The following PALD1 variants were observed in gnomAD, a reference collection of about 807,000 sequenced individuals.
PALD1 encodes the protein paladin.
Under a neutral mutation model 96.0 loss-of-function variants are expected in PALD1, and 57 were observed. That is an observed-to-expected ratio of 0.59 (90% CI 0.48 to 0.74). The LOEUF is 0.74. Ranked by LOEUF, PALD1 falls within the 30% of genes least tolerant of loss-of-function variation. The pLI, the probability that PALD1 is intolerant of heterozygous loss-of-function variation, is 0.00. For missense variants in PALD1, 1,063 were observed against 1,143.7 expected, an observed-to-expected ratio of 0.93 and a Z score of 1.02; for synonymous variants, 464 against 473.6, an observed-to-expected ratio of 0.98 and a Z score of 0.26.
At chr10:70,544,046 C>T (rs543923934) in intron 17 of PALD1, among the ~76,000 whole-genome samples, 1 of 152,174 alleles carries the variant, frequency 6.6e-6, no homozygotes, top group Non-Finnish European at 1.5e-5. Flanking sequence ...AGACCAGCTT[C>T]CTTTGCAATT....
In PALD1 at chr10:70,486,971, A is replaced by G. The variant is rs187005758; in HGVS notation, c.-30+7912A>G. The stretch of plus-strand genomic sequence containing the variant: ...TGGGAATCTGATTTCTGAATGCCCA[A>G]AGAGAAGGGCCCTCCCTAGAGACGA... On this transcript the variant is annotated intron_variant, in intron 1 of 19. Transcript: ENST00000263563. Among the ~76,000 whole-genome samples, 304 of 152,040 alleles carry G rather than the reference A, an allele frequency of 2.0e-3. 2 individuals are homozygous for G. Among genetic ancestry groups the G allele is most frequent in the African/African-American group, 7.1e-3 (293 of 41,486 alleles).
At chr10:70,524,654 A>C (rs1167712498) in intron 1 of PALD1, among the ~76,000 whole-genome samples, 1 of 152,198 alleles carries the variant, frequency 6.6e-6, no homozygotes, top group East Asian at 1.9e-4. Context: ...TCGTGAGTTA[A>C]GGTGGGGCTG....
At chr10:70,557,353 G>T (rs1366990765) in intron 18 of PALD1, among the ~76,000 whole-genome samples, 1 of 152,130 alleles carries the variant, frequency 6.6e-6, no homozygotes, top group Non-Finnish European at 1.5e-5. Context: ...TGCGGACACA[G>T]TGGGCCTCTT....
At chr10:70,518,114 G>T (rs542089002) in intron 1 of PALD1, among the ~76,000 whole-genome samples, 2 of 152,146 alleles carry the variant, frequency 1.3e-5, no homozygotes, top group East Asian at 1.9e-4. Flanking sequence ...TGTTGGTCAG[G>T]CTGGTCTCGA....
At chr10:70,505,417 C>T (rs1389814776) in intron 1 of PALD1, among the ~76,000 whole-genome samples, 1 of 152,018 alleles carries the variant, frequency 6.6e-6, no homozygotes, top group Non-Finnish European at 1.5e-5. Context: ...TCGAGACCAA[C>T]ATGGAGAAAC....
In PALD1 at chr10:70,548,487, C is replaced by G. The variant is rs140498920; in HGVS notation, c.2262+1041C>G. Among the ~76,000 whole-genome samples the G allele has an allele frequency of 7.8e-3, 1,192 of 152,290 alleles. 18 individuals are homozygous for G. Among genetic ancestry groups the G allele is most frequent in the African/African-American group, 0.027 (1,139 of 41,556 alleles). ...GCTCTGGAGTTTTTGGCCTGGGTCT[C>G]TGTGTGGAGTATTCACTTCTGTTCC... On this transcript the variant is annotated intron_variant, in intron 18 of 19. Coordinates refer to ENST00000263563, the MANE Select transcript of PALD1 (RefSeq NM_014431.3).
chr10:70,486,326 C>A, intron 1 of PALD1: 1 of 156,258 alleles, frequency 6.4e-6, no homozygotes, highest in South Asian at 1.8e-4. Flanking sequence ...CATCACCACC[C>A]ACCACATTTC....
At chr10:70,471,002 TA>T in the PALD1 span, among the ~76,000 whole-genome samples, 1 of 151,810 alleles carries the variant, frequency 6.6e-6, no homozygotes. Flanking sequence ...GTACTTTTAG[TA>T]GAGACGGGGT....
In PALD1 at chr10:70,530,016, G is replaced by A. The variant is rs775627617; in HGVS notation, c.416G>A (p.Ser139Asn). Residue 139 changes from serine (S) to asparagine (N), a missense_variant, in exon 4 of 20, where the codon AGC becomes AAC. Physicochemically the swap from Ser to Asn is conservative, Grantham distance 46. Coordinates refer to ENST00000263563, the MANE Select transcript of PALD1 (RefSeq NM_014431.3). Reference sequence around the variant, plus strand: ...ACTGTGTTCGGCATGGGACAGCCCAGCCTCTCAGGGTTCAGGCGGGTCCTC... The same window carrying A: ...ACTGTGTTCGGCATGGGACAGCCCAACCTCTCAGGGTTCAGGCGGGTCCTC... ...GLTVFGMGQP[S>N]LSGFRRVLQK... 1.8e-5 allele frequency: 28 copies of A among 1,587,474 alleles called. No homozygotes were observed. The highest frequency in any genetic ancestry group is 2.2e-5 in the Non-Finnish European group (26 of 1,167,946).
intron 1 of PALD1, among the ~76,000 whole-genome samples, chr10:70,513,886 TGGCTGGC>T (rs1846568772): frequency 6.6e-6 from 1 of 152,182 alleles, no homozygotes; most frequent in Non-Finnish European, 1.5e-5. Context: ...AGGCCCGTGA[TGGCTGGC>T]CCACACCCGG....
Position 70,566,777 on chromosome 10 carries a change from G to C in PALD1, c.*44G>C, listed in dbSNP as rs748782135. The C allele has an allele frequency of 7.1e-7, 1 of 1,408,104 alleles. No homozygotes were observed. Among genetic ancestry groups the C allele is most frequent in the Non-Finnish European group, 9.7e-7 (1 of 1,035,454 alleles). 87.2% of individuals were successfully genotyped at this position (1,408,104 alleles called of 1,614,324 possible). ...CCCCCACCCACAGGGCCCCACGCAG[G>C]CCTGGGGTGTCTGAGGTGCTCTTGG... On this transcript the variant is annotated 3_prime_UTR_variant, in exon 20 of 20. Transcript: ENST00000263563.
chr10:70,500,760 G>A (rs1428962976), intron 1 of PALD1, among the ~76,000 whole-genome samples: 1 of 152,206 alleles, frequency 6.6e-6, no homozygotes, highest in Non-Finnish European at 1.5e-5. Flanking sequence ...GGGGGAAGGA[G>A]AAAGCTTGGA....
chr10:70,509,979 A>G (rs1324236690), intron 1 of PALD1, among the ~76,000 whole-genome samples: 2 of 152,216 alleles, frequency 1.3e-5, no homozygotes, highest in Non-Finnish European at 2.9e-5. Context: ...GGCTGTGCCG[A>G]ACTCTTGGAA....
chr10:70,564,618 C>T (rs983627277), intron 19 of PALD1, 99 bp downstream of exon 19: 3 of 1,153,076 alleles, frequency 2.6e-6, no homozygotes, highest in African/African-American at 3.1e-5. Context: ...TGCGGGGACC[C>T]CGTGACAGGC....
chr10:70,498,583 TTTG>T, intron 1 of PALD1, among the ~76,000 whole-genome samples: 1 of 149,540 alleles, frequency 6.7e-6, no homozygotes, highest in Non-Finnish European at 1.5e-5. Context: ...CCTGTCCTGT[TTTG>T]TTTTTTTTTT....
chr10:70,537,021 C>A (rs986678400), intron 10 of PALD1, among the ~76,000 whole-genome samples: 1 of 152,172 alleles, frequency 6.6e-6, no homozygotes. Flanking sequence ...CTCCGTTTCC[C>A]TCTGTAAATT....
rs1254800111 is a variant in PALD1 at position 70,490,189 on chromosome 10, C to T, written c.-30+11130C>T. 2.0e-5 allele frequency among the ~76,000 whole-genome samples: 3 copies of T among 151,980 alleles called. No homozygotes were observed. The East Asian group carries it at 5.8e-4, about 29-fold the overall frequency. Reference sequence around the variant, plus strand: ...CCATCTGCCTCGGCCTCCCATAATGCTGGGATTACAGGCATGAGCCACCAC... The same window carrying T: ...CCATCTGCCTCGGCCTCCCATAATGTTGGGATTACAGGCATGAGCCACCAC... On this transcript the variant is annotated intron_variant, in intron 1 of 19. Transcript: ENST00000263563.
intron 17 of PALD1, 28 bp from the exon 18 acceptor site, chr10:70,547,278 T>G (rs769663513): frequency 6.2e-7 from 1 of 1,611,132 alleles, no homozygotes; most frequent in Non-Finnish European, 8.5e-7. Flanking sequence ...CAGTTTTATG[T>G]CTGCTCACCC....
chr10:70,554,285 C>T (rs745937448), intron 18 of PALD1, among the ~76,000 whole-genome samples: 2 of 152,042 alleles, frequency 1.3e-5, no homozygotes, highest in East Asian at 1.9e-4. Context: ...AAAAATTAGC[C>T]GAGCGTGGTG....
Sources: gnomAD v4.1 joint callset for allele counts (sites outside exome capture counted in the v4.1 genomes callset) on GRCh38, gnomAD v4.1.1 for gene constraint, MANE v1.5 for transcripts, NCBI Gene and HGNC (gene_info 2026-07-23, HGNC 2026-07-21) for gene names.